Variants in AIG1 observed in about 807,000 individuals in gnomAD.
AIG1 encodes the protein androgen induced 1.
Under a neutral mutation model 31.4 loss-of-function variants are expected in AIG1, and 23 were observed. That is an observed-to-expected ratio of 0.73 (90% CI 0.53 to 1.04). The LOEUF (loss-of-function observed/expected upper bound fraction) is 1.04. AIG1 is among the 50% of genes least tolerant of loss of function. The probability of loss-of-function intolerance (pLI) is 0.00; values close to 1 mark genes in which losing one functional copy is unlikely to be tolerated. For synonymous variants in AIG1, 100 were observed against 110.5 expected (o/e 0.90, Z 0.60); for missense variants, 274 against 295.0 (o/e 0.93, Z 0.52).
At chr6:143,088,078 T>G (rs1778966597) in intron 1 of AIG1, among the ~76,000 whole-genome samples, 1 of 152,194 alleles carries the variant, frequency 6.6e-6, no homozygotes, top group African/African-American at 2.4e-5. Flanking sequence ...TAGGATAGAA[T>G]CGGCATGGCT....
chr6:143,165,806 A>G (rs547743222), intron 3 of AIG1, among the ~76,000 whole-genome samples: 166 of 152,268 alleles, frequency 1.1e-3, no homozygotes, highest in African/African-American at 3.9e-3. Context: ...TGTTGCCCTC[A>G]CTAGTTTCAA....
At chr6:143,287,473 A>G (rs1797763666) in intron 4 of AIG1, among the ~76,000 whole-genome samples, 1 of 152,138 alleles carries the variant, frequency 6.6e-6, no homozygotes, top group Non-Finnish European at 1.5e-5. Flanking sequence ...GTGGCTGCAG[A>G]TTGTAGTCTG....
chr6:143,193,898 G>C (rs1311466710), intron 3 of AIG1, among the ~76,000 whole-genome samples: 1 of 152,236 alleles, frequency 6.6e-6, no homozygotes, highest in African/African-American at 2.4e-5. Flanking sequence ...TAGGAGGAAA[G>C]TGAGGAAATA....
At chr6:143,130,800 T>C (rs1783157414) in intron 1 of AIG1, among the ~76,000 whole-genome samples, 1 of 152,168 alleles carries the variant, frequency 6.6e-6, no homozygotes, top group African/African-American at 2.4e-5. Context: ...TGGGGTTTGT[T>C]GTACAGATTG....
Position 143,287,062 on chromosome 6 carries a change from C to A in AIG1, c.515+2837C>A, listed in dbSNP as rs117651343. 1.7e-3 allele frequency among the ~76,000 whole-genome samples: 258 copies of A among 151,984 alleles called. 3 individuals carry two copies. In the East Asian group the frequency reaches 0.039, roughly 23 times the overall value. On this transcript the variant is annotated intron_variant, in intron 4 of 5. Coordinates refer to ENST00000357847, the MANE Select transcript of AIG1 (RefSeq NM_016108.4). The stretch of plus-strand genomic sequence containing the variant: ...TGCCATGTTTCTCTTTCCCCCAGCC[C>A]AAACATCACCTGTCCATTTGTGGGA...
At chr6:143,222,708 T>C (rs1792624865) in intron 3 of AIG1, among the ~76,000 whole-genome samples, 1 of 152,204 alleles carries the variant, frequency 6.6e-6, no homozygotes, top group South Asian at 2.1e-4. Context: ...TTCTCTTTTT[T>C]TTTGCCAAGT....
chr6:143,155,311 A>C (rs548584240), intron 2 of AIG1, among the ~76,000 whole-genome samples: 1 of 152,294 alleles, frequency 6.6e-6, no homozygotes, highest in South Asian at 2.1e-4. Flanking sequence ...GTTACGAAGG[A>C]AAAATGTAAT....
intron 4 of AIG1, among the ~76,000 whole-genome samples, chr6:143,296,365 A>G (rs1798428344): frequency 6.6e-6 from 1 of 152,158 alleles, no homozygotes; most frequent in Non-Finnish European, 1.5e-5. Context: ...TTAATTAGCA[A>G]AATCATAACC....
chr6:143,086,838 G>A (rs1056697354), intron 1 of AIG1, among the ~76,000 whole-genome samples: 4 of 152,192 alleles, frequency 2.6e-5, no homozygotes, highest in East Asian at 1.9e-4. Context: ...TGGGGCGCAC[G>A]CATGGGCAAC....
intron 3 of AIG1, among the ~76,000 whole-genome samples, chr6:143,195,262 G>T (rs1338082435): frequency 1.3e-5 from 2 of 152,150 alleles, no homozygotes; most frequent in Non-Finnish European, 2.9e-5. Context: ...AGGAGGTAAA[G>T]GTGGAGTATA....
intron 1 of AIG1, among the ~76,000 whole-genome samples, chr6:143,086,527 G>C (rs1296824530): frequency 1.3e-5 from 2 of 152,000 alleles, no homozygotes; most frequent in East Asian, 3.9e-4. Context: ...AAGGATGGTG[G>C]GGAACAGGTG....
At chr6:143,189,723 A>C in intron 3 of AIG1, 2 of 985,376 alleles carry the variant, frequency 2.0e-6, no homozygotes, top group Non-Finnish European at 2.4e-6. Context: ...ATTTCCCTCA[A>C]AACCCTCATC....
At chr6:143,238,896 C>T (rs1282558658) in intron 3 of AIG1, among the ~76,000 whole-genome samples, 2 of 152,166 alleles carry the variant, frequency 1.3e-5, no homozygotes, top group Admixed American at 1.3e-4. Flanking sequence ...TGGAAGAGAA[C>T]CAGTTACAAC....
chr6:143,166,629 T>A (rs149608449), intron 3 of AIG1, among the ~76,000 whole-genome samples: 1 of 152,368 alleles, frequency 6.6e-6, no homozygotes, highest in Non-Finnish European at 1.5e-5. Flanking sequence ...TTCGCCCAGT[T>A]GTCTGGCATA....
chr6:143,294,537 G>C (rs117658158), intron 4 of AIG1, among the ~76,000 whole-genome samples: 359 of 152,270 alleles, frequency 2.4e-3, no homozygotes, highest in Non-Finnish European at 4.2e-3. Flanking sequence ...TCTCTCATCA[G>C]ATTGGCATTA....
Position 143,326,833 on chromosome 6 carries a change from T to C in AIG1, c.516-6449T>C, listed in dbSNP as rs1442962765. On this transcript the variant is annotated intron_variant, in intron 4 of 5. Coordinates refer to ENST00000357847, the MANE Select transcript of AIG1 (RefSeq NM_016108.4). The surrounding 1 kb of genome is among the most constrained non-coding windows in gnomAD (Gnocchi z 4.5). Reference sequence around the variant, plus strand: ...CATTGCAGGAGGGAACATGACAAGATCAAGGAACCAAATGAAAGCCAGTGT... The same window carrying C: ...CATTGCAGGAGGGAACATGACAAGACCAAGGAACCAAATGAAAGCCAGTGT... Among the ~76,000 whole-genome samples the C allele has an allele frequency of 6.6e-6, 1 of 151,920 alleles. No individual in the cohort carries two copies. The highest frequency in any genetic ancestry group is 1.5e-5 in the Non-Finnish European group (1 of 67,972).
At chr6:143,132,078 A>G (rs991245887) in intron 1 of AIG1, among the ~76,000 whole-genome samples, 2 of 152,192 alleles carry the variant, frequency 1.3e-5, no homozygotes, top group Admixed American at 6.5e-5. Context: ...TGCTGTTGTT[A>G]TTATAAATTT....
rs1446828896 is a variant in AIG1 at position 143,264,809 on chromosome 6, CAT to C, written c.400-19296_400-19295del. Among the ~76,000 whole-genome samples, 11 of 152,234 alleles carry C rather than the reference CAT, an allele frequency of 7.2e-5. No individual in the cohort carries two copies. In the East Asian group the frequency reaches 2.1e-3, roughly 29 times the overall value. Reference sequence around the variant, plus strand: ...TGCTCTCTGCTGAAAATAAAAAGACCATATATCACTGAACACACCAGCAAGTC... The same window carrying C: ...TGCTCTCTGCTGAAAATAAAAAGACCATATCACTGAACACACCAGCAAGTC... On this transcript the variant is annotated intron_variant, in intron 3 of 5. Transcript: ENST00000357847.
chr6:143,138,156 G>A (rs768638741), intron 2 of AIG1, among the ~76,000 whole-genome samples: 3 of 152,170 alleles, frequency 2.0e-5, no homozygotes, highest in Non-Finnish European at 4.4e-5. Flanking sequence ...ATTATAATTT[G>A]TTGACACTCC....
Sources: allele counts gnomAD v4.1 joint callset (sites outside exome capture counted in the v4.1 genomes callset), GRCh38; gene constraint gnomAD v4.1.1; non-coding constraint Gnocchi (gnomAD v3.1); transcripts MANE v1.5; gene names NCBI Gene and HGNC (gene_info 2026-07-23, HGNC 2026-07-21).